Variants in BBS2 observed in about 807,000 individuals in gnomAD.
The protein encoded by BBS2 is BBSome complex member BBS2.
In BBS2, 62 loss-of-function variants were observed where a neutral mutation model predicts 83.0. The observed-to-expected ratio is 0.75, with a 90% confidence interval of 0.61 to 0.92. The LOEUF (loss-of-function observed/expected upper bound fraction) is 0.92, where lower values mean the gene tolerates loss of function less well. BBS2 is among the 40% of genes least tolerant of loss of function. The pLI is 0.00. For missense variants in BBS2, 784 were observed against 901.0 expected (o/e 0.87, Z 1.66); for synonymous variants, 303 against 326.1 (o/e 0.93, Z 0.76).
intron 4 of BBS2, 47 bp downstream of exon 4, chr16:56,510,812 A>T (rs781160706): frequency 4.4e-6 from 7 of 1,602,832 alleles, no homozygotes; most frequent in Non-Finnish European, 6.0e-6. Flanking sequence ...TCATGGCAAA[A>T]TTCATTTGGC....
intron 5 of BBS2, among the ~76,000 whole-genome samples, chr16:56,507,303 T>C (rs1964447301): frequency 6.6e-6 from 1 of 152,220 alleles, no homozygotes; most frequent in African/African-American, 2.4e-5. Context: ...ACTGCTTCCT[T>C]AGTTCACCAG....
chr16:56,506,122 T>C lies in BBS2; in HGVS notation c.715A>G (p.Lys239Glu). ...ATCAAAGGCTAAATTATACTAACTT[T>C]AATTCTCCAGTATCGGGATGTTTTG... ...YDKTSRYWRI[K>E]SKNHAMSIHA... is the part of the protein sequence containing the mutation. The change falls in exon 6 of 17, where the codon AAA becomes GAA. Residue 239 changes from lysine (K) to glutamate (E), a missense_variant and splice_region_variant. Coordinates refer to ENST00000245157, the MANE Select transcript of BBS2 (RefSeq NM_031885.5). The C allele has an allele frequency of 1.2e-6, 2 of 1,613,468 alleles. No homozygotes were observed. The highest frequency in any genetic ancestry group is 1.7e-6 in the Non-Finnish European group (2 of 1,179,404).
In BBS2 at chr16:56,497,033, G is replaced by GC. The variant is rs1199538371; in HGVS notation, c.1843dup (p.Ala615GlyfsTer2). On this transcript the variant is annotated frameshift_variant, in exon 15 of 17. Coordinates refer to ENST00000245157, the MANE Select transcript of BBS2 (RefSeq NM_031885.5). LOFTEE classifies it high-confidence loss of function. ...ACTTCGGATCAAATTAGAATGATCA[G>GC]CCATATCAGCACTGAGCTTCTGATG... is the stretch of plus-strand genomic sequence containing the variant. 8 of 1,614,038 alleles carry GC rather than the reference G, an allele frequency of 5.0e-6. No individual in the cohort carries two copies. Among genetic ancestry groups the GC allele is most frequent in the Non-Finnish European group, 6.8e-6 (8 of 1,179,942 alleles).
exon 18 of BBS2, chr16:56,470,658 C>T: frequency 6.2e-7 from 1 of 1,614,150 alleles, no homozygotes; most frequent in Non-Finnish European, 8.5e-7. Flanking sequence ...AGGCAGAAAC[C>T]ACTGATATCA....
chr16:56,487,860 T>C (rs1001780290), intron 15 of BBS2, among the ~76,000 whole-genome samples: 14 of 152,020 alleles, frequency 9.2e-5, no homozygotes, highest in Non-Finnish European at 7.4e-5. Flanking sequence ...TATTGAAACA[T>C]ACAAAACATC....
In BBS2 at chr16:56,503,038, A is replaced by C. The variant is rs576934373; in HGVS notation, c.805-230T>G. Among the ~76,000 whole-genome samples, 3 of 152,306 alleles carry C rather than the reference A, an allele frequency of 2.0e-5. 1 individual carries two copies. In the East Asian group the frequency reaches 5.8e-4, roughly 29 times the overall value. ...TTTTTAAATAAAAGCTGTTTTTCATAGGCCTTCACACAATGCTTCACTTGA... is the reference window on the plus strand; with the variant it reads ...TTTTTAAATAAAAGCTGTTTTTCATCGGCCTTCACACAATGCTTCACTTGA... On this transcript the variant is annotated intron_variant, in intron 7 of 16. Coordinates refer to ENST00000245157, the MANE Select transcript of BBS2 (RefSeq NM_031885.5).
chr16:56,497,319 C>A, intron 14 of BBS2: 1 of 564,698 alleles, frequency 1.8e-6, no homozygotes, highest in Non-Finnish European at 3.2e-6. Context: ...CAGGAGCCCC[C>A]ACAACACACA....
chr16:56,501,669 C>A, intron 9 of BBS2, 172 bp from the exon 10 acceptor site: 2 of 866,250 alleles, frequency 2.3e-6, no homozygotes, highest in Admixed American at 2.2e-5. Context: ...TGCTCCCTTG[C>A]TCTATCTGGC....
Position 56,511,232 on chromosome 16 carries a change from G to C in BBS2, c.398C>G (p.Ser133Cys). The C allele has an allele frequency of 6.2e-7, 1 of 1,614,026 alleles. No individual in the cohort carries two copies. The highest frequency in any genetic ancestry group is 1.3e-5 in the African/African-American group (1 of 75,038). ...ATTGCCACCAATAATCGCAAGAGGGGAAGAAATGTCTCCCAATGTCCCCAG... is the reference window on the plus strand; with the variant it reads ...ATTGCCACCAATAATCGCAAGAGGGCAAGAAATGTCTCCCAATGTCCCCAG... ...IVLGTLGDISSPLAIIGGNCA... is the reference protein window; with the variant it reads ...IVLGTLGDISCPLAIIGGNCA... The change falls in exon 3 of 17, where the codon TCC becomes TGC. Residue 133 changes from serine to cysteine, a missense_variant. Ser to Cys is a moderately radical substitution (Grantham distance 112). Coordinates refer to ENST00000245157, the MANE Select transcript of BBS2 (RefSeq NM_031885.5).
At chr16:56,480,350 C>CA (rs1356996256), downstream of BBS2, among the ~76,000 whole-genome samples, 6 of 27,334 alleles carry the variant, frequency 2.2e-4, no homozygotes, top group South Asian at 2.4e-3. Flanking sequence ...CACACACACA[C>CA]ACAAAAAAAA....
chr16:56,516,599 G>A (rs572205208), intron 1 of BBS2, among the ~76,000 whole-genome samples: 4 of 152,006 alleles, frequency 2.6e-5, no homozygotes, highest in African/African-American at 9.7e-5. Flanking sequence ...GTTTCAGTCG[G>A]CCAGGTTGGT....
At chr16:56,519,226 G>C (rs536116057) in intron 1 of BBS2, among the ~76,000 whole-genome samples, 26 of 151,644 alleles carry the variant, frequency 1.7e-4, no homozygotes, top group African/African-American at 5.6e-4. Flanking sequence ...AGATACTCGG[G>C]AGGCTGAGGC....
chr16:56,484,883 C>T lies in BBS2; in HGVS notation c.2060-16G>A. ...GGTTTTCCAACTGCATAAGAAGAAA[C>T]ATCAGGAACCAAAAGATTGTTAGAC... On this transcript the variant is annotated splice_polypyrimidine_tract_variant and intron_variant, in intron 16 of 16. Coordinates refer to ENST00000245157, the MANE Select transcript of BBS2 (RefSeq NM_031885.5). 2.5e-6 allele frequency: 4 copies of T among 1,581,744 alleles called. No individual in the cohort carries two copies. Among genetic ancestry groups the T allele is most frequent in the Non-Finnish European group, 3.5e-6 (4 of 1,150,716 alleles).
chr16:56,472,387 A>T (rs1411183172), intron 17 of BBS2, among the ~76,000 whole-genome samples: 1 of 152,224 alleles, frequency 6.6e-6, no homozygotes, highest in African/African-American at 2.4e-5. Flanking sequence ...CACCTACTGT[A>T]TACAGGGGGC....
At chr16:56,481,928 C>G (rs1963669624), downstream of BBS2, among the ~76,000 whole-genome samples, 2 of 152,194 alleles carry the variant, frequency 1.3e-5, no homozygotes, top group African/African-American at 4.8e-5. Context: ...ACAGGACACT[C>G]TGTCTTAGAG....
rs193922711 is a variant in BBS2 at position 56,497,769 on chromosome 16, CA to C, written c.1770del (p.Phe590LeufsTer8). ...TTAACTAGCACCTTTCGTAATTCCT[CA>C]AAATAGACAGGAAAATCCGCTTCTA... ...LQVEADFPVY[F>X]EELRKVLVKV... On this transcript the variant is annotated frameshift_variant, in exon 14 of 17. Coordinates refer to ENST00000245157, the MANE Select transcript of BBS2 (RefSeq NM_031885.5). LOFTEE classifies it high-confidence loss of function. 1.9e-6 allele frequency: 3 copies of C among 1,613,390 alleles called. No homozygotes were observed. Among genetic ancestry groups the C allele is most frequent in the Admixed American group, 1.7e-5 (1 of 59,978 alleles).
chr16:56,492,712 C>G (rs1172249347), intron 15 of BBS2, among the ~76,000 whole-genome samples: 10 of 152,152 alleles, frequency 6.6e-5, no homozygotes, highest in African/African-American at 2.4e-4. Flanking sequence ...TTCTCATCCC[C>G]TGGAGTATGC....
At position 56,497,769 on chromosome 16, in the gene BBS2, C is replaced by T; in HGVS notation, c.1771G>A (p.Glu591Lys). Reference sequence around the variant, plus strand: ...TTAACTAGCACCTTTCGTAATTCCTCAAAATAGACAGGAAAATCCGCTTCT... The same window carrying T: ...TTAACTAGCACCTTTCGTAATTCCTTAAAATAGACAGGAAAATCCGCTTCT... ...QVEADFPVYF[E>K]ELRKVLVKVD... The change falls in exon 14 of 17, where the codon GAG (glutamate) becomes AAG (lysine). Residue 591 changes from glutamate (E) to lysine (K), a missense_variant. Coordinates refer to ENST00000245157, the MANE Select transcript of BBS2 (RefSeq NM_031885.5). The T allele has an allele frequency of 6.2e-7, 1 of 1,613,390 alleles. No individual in the cohort carries two copies. Among genetic ancestry groups the T allele is most frequent in the Non-Finnish European group, 8.5e-7 (1 of 1,179,874 alleles).
Position 56,514,556 on chromosome 16 carries a change from C to A in BBS2, c.242G>T (p.Gly81Val). 1 of 1,614,172 alleles carries A rather than the reference C, an allele frequency of 6.2e-7. No homozygotes were observed. Among genetic ancestry groups the A allele is most frequent in the Non-Finnish European group, 8.5e-7 (1 of 1,180,028 alleles). ...INQAVSCLTA[G>V]VLNPELGYDA... ...ATAGCCAAGCTCAGGGTTCAATACGCCTGCAGTCAGACAGCTGACTGCCTG... is the reference window on the plus strand; with the variant it reads ...ATAGCCAAGCTCAGGGTTCAATACGACTGCAGTCAGACAGCTGACTGCCTG... The change falls in exon 2 of 17, where the codon GGC (glycine) becomes GTC (valine). Residue 81 changes from glycine (G) to valine (V), a missense_variant. Coordinates refer to ENST00000245157, the MANE Select transcript of BBS2 (RefSeq NM_031885.5).
Sources: gnomAD v4.1 joint callset for allele counts (sites outside exome capture counted in the v4.1 genomes callset) on GRCh38, gnomAD v4.1.1 for gene constraint, MANE v1.5 for transcripts, NCBI Gene and HGNC (gene_info 2026-07-23, HGNC 2026-07-21) for gene names.